PCDHGA4: variants seen among roughly 807,000 people sequenced by gnomAD.
PCDHGA4 encodes protocadherin gamma-A4.
In PCDHGA4, 38 loss-of-function variants were observed where a neutral mutation model predicts 54.6. The observed-to-expected ratio is 0.70, with a 90% CI of 0.54 to 0.91. The LOEUF (loss-of-function observed/expected upper bound fraction) is 0.91. Ranked by LOEUF, PCDHGA4 falls within the 40% of genes least tolerant of loss-of-function variation. The pLI, the probability that PCDHGA4 is intolerant of heterozygous loss-of-function variation, is 0.00. For missense variants in PCDHGA4, 1,298 were observed against 1,220.9 expected (o/e 1.06, Z -0.94); for synonymous variants, 511 against 512.9 (o/e 1.00, Z 0.05).
At position 141,511,112 on chromosome 5, in the gene PCDHGA4, G is replaced by A. The variant is rs767257788; in HGVS notation, c.2828G>A (p.Gly943Asp). The change falls in exon 4 of 4, where the codon GGC (glycine) becomes GAC (aspartate). Residue 943 changes from glycine (G) to aspartate (D), a missense_variant. Transcript: ENST00000571252. ...ACCAACGCAGCTGGCAAGCGGGATGGCAAGGCCCCAGCAGGTGGCAATGGC... is the reference window on the plus strand; with the variant it reads ...ACCAACGCAGCTGGCAAGCGGGATGACAAGGCCCCAGCAGGTGGCAATGGC... The part of the protein sequence containing the change: ...TLTNAAGKRD[G>D]KAPAGGNGNK... 1 of 1,614,232 alleles carries A rather than the reference G, an allele frequency of 6.2e-7. No individual in the cohort carries two copies.
Position 141,444,232 on chromosome 5 carries a change from C to T in PCDHGA4, c.2515-50575C>T, listed in dbSNP as rs1411172798. Among the ~76,000 whole-genome samples the T allele has an allele frequency of 2.5e-5, 3 of 122,350 alleles. No individual in the cohort carries two copies. In the Admixed American group the frequency reaches 3.3e-4, roughly 14 times the overall value. The allele number at this position is 122,350 out of a possible 152,430, so 80.3% of individuals were successfully genotyped here. ...TGTTGCCCAGGCTGGAGTGCAATGG[C>T]ATGCTCTCGGCTCACTGCAACCTCC... is the stretch of plus-strand genomic sequence containing the variant. On this transcript the variant is annotated intron_variant, in intron 1 of 3. Coordinates refer to ENST00000571252, the MANE Select transcript of PCDHGA4 (RefSeq NM_018917.4).
intron 3 of PCDHGA4, among the ~76,000 whole-genome samples, chr5:141,509,265 C>G (rs1296179995): frequency 1.3e-5 from 2 of 152,138 alleles, no homozygotes; most frequent in African/African-American, 4.8e-5. Flanking sequence ...TTTAGTCACT[C>G]TCGCTACCCG....
chr5:141,375,920 G>A, intron 1 of PCDHGA4: 1 of 1,613,748 alleles, frequency 6.2e-7, no homozygotes, highest in Admixed American at 1.7e-5. Flanking sequence ...CAAGGCCAGC[G>A]AGCCAGGACT....
At position 141,491,111 on chromosome 5, in the gene PCDHGA4, A is replaced by G; in HGVS notation, c.2515-3696A>G. 1 of 1,614,162 alleles carries G rather than the reference A, an allele frequency of 6.2e-7. No individual in the cohort carries two copies. Among genetic ancestry groups the G allele is most frequent in the Non-Finnish European group, 8.5e-7 (1 of 1,180,026 alleles). Reference sequence around the variant, plus strand: ...CCAGGACTGTTCCTCGTGTCTACACACACTGGTGAGGTGCGCACAGCCCGG... The same window carrying G: ...CCAGGACTGTTCCTCGTGTCTACACGCACTGGTGAGGTGCGCACAGCCCGG... On this transcript the variant is annotated intron_variant, in intron 1 of 3. Transcript: ENST00000571252. This position sits in a 1 kb window ranked among gnomAD's most constrained non-coding sequence, Gnocchi z 6.9.
Position 141,491,458 on chromosome 5 carries a change from G to C in PCDHGA4, c.2515-3349G>C. 1 of 1,614,092 alleles carries C rather than the reference G, an allele frequency of 6.2e-7. No individual in the cohort carries two copies. The highest frequency in any genetic ancestry group is 8.5e-7 in the Non-Finnish European group (1 of 1,180,022). On this transcript the variant is annotated intron_variant, in intron 1 of 3. Coordinates refer to ENST00000571252, the MANE Select transcript of PCDHGA4 (RefSeq NM_018917.4). The surrounding 1 kb of genome is among the most constrained non-coding windows in gnomAD (Gnocchi z 6.9). Reference sequence around the variant, plus strand: ...CAGGCGCCAGGACTCACCCTCCCCGGACTTCTATAAGCAGTCCAGCCCCAA... The same window carrying C: ...CAGGCGCCAGGACTCACCCTCCCCGCACTTCTATAAGCAGTCCAGCCCCAA...
In PCDHGA4 at chr5:141,477,590, C is replaced by T. The variant is rs1465863595; in HGVS notation, c.2515-17217C>T. On this transcript the variant is annotated intron_variant, in intron 1 of 3. Coordinates refer to ENST00000571252, the MANE Select transcript of PCDHGA4 (RefSeq NM_018917.4). This position sits in a 1 kb window ranked among gnomAD's most constrained non-coding sequence, Gnocchi z 4.9. ...CCCCGACGCCCCGCAGAATGCTCGG[C>T]TTTCTTTCTTTCTCTTGGAGCAAGG... The T allele has an allele frequency of 1.2e-6, 2 of 1,614,122 alleles. No individual in the cohort carries two copies. Among genetic ancestry groups the T allele is most frequent in the South Asian group, 2.2e-5 (2 of 91,080 alleles).
Position 141,490,685 on chromosome 5 carries a change from A to G in PCDHGA4, c.2515-4122A>G, listed in dbSNP as rs2099703028. On this transcript the variant is annotated intron_variant, in intron 1 of 3. Coordinates refer to ENST00000571252, the MANE Select transcript of PCDHGA4 (RefSeq NM_018917.4). The surrounding 1 kb of genome is among the most constrained non-coding windows in gnomAD (Gnocchi z 5.4). ...TGCACTGTGGCTGCCTCAGATCCAGACACTGGGGATAATGCCCGCCTCACC... is the reference window on the plus strand; with the variant it reads ...TGCACTGTGGCTGCCTCAGATCCAGGCACTGGGGATAATGCCCGCCTCACC... The G allele has an allele frequency of 1.9e-6, 3 of 1,614,030 alleles. No individual in the cohort carries two copies. Among genetic ancestry groups the G allele is most frequent in the South Asian group, 2.2e-5 (2 of 91,082 alleles).
intron 1 of PCDHGA4, among the ~76,000 whole-genome samples, chr5:141,483,993 G>T (rs1307708919): frequency 6.8e-6 from 1 of 147,882 alleles, no homozygotes; most frequent in Non-Finnish European, 1.5e-5. Flanking sequence ...AGGTTGCTGG[G>T]AGGTCTGGAT....
chr5:141,499,073 G>T (rs2099789305), intron 2 of PCDHGA4, among the ~76,000 whole-genome samples: 1 of 152,064 alleles, frequency 6.6e-6, no homozygotes, highest in Admixed American at 6.5e-5. Flanking sequence ...CTTACATTCT[G>T]AAGTTCCTGC....
intron 1 of PCDHGA4, among the ~76,000 whole-genome samples, chr5:141,406,473 T>A (rs2094813817): frequency 6.6e-6 from 1 of 152,248 alleles, no homozygotes; most frequent in African/African-American, 2.4e-5. Context: ...CTCTTTGAGG[T>A]TATATTTTTC....
chr5:141,423,612 TGAAGAC>T, intron 1 of PCDHGA4: 1 of 1,611,004 alleles, frequency 6.2e-7, no homozygotes, highest in African/African-American at 1.3e-5. Flanking sequence ...TCTTGATAGC[TGAAGAC>T]TCAGCTATCA....
chr5:141,419,540 C>A (rs999461892), intron 1 of PCDHGA4: 4 of 1,612,018 alleles, frequency 2.5e-6, no homozygotes. Flanking sequence ...CAACGCACCG[C>A]GGGTGCTGTA....
intron 1 of PCDHGA4, chr5:141,403,178 T>C (rs1294905670): frequency 6.2e-7 from 1 of 1,613,980 alleles, no homozygotes; most frequent in Middle Eastern, 1.7e-4. Flanking sequence ...GCAGCTTTTC[T>C]CTCTGAACCC....
At position 141,450,006 on chromosome 5, in the gene PCDHGA4, C is replaced by CTATTTTTTTTTTT. The variant is rs70988802; in HGVS notation, c.2515-44800_2515-44799insATTTTTTTTTTTT. Among the ~76,000 whole-genome samples, 4 of 132,982 alleles carry CTATTTTTTTTTTT rather than the reference C, an allele frequency of 3.0e-5. 1 individual carries two copies. The highest frequency in any genetic ancestry group is 5.6e-5 in the African/African-American group (2 of 35,576). 87.2% of individuals were successfully genotyped at this position (132,982 alleles called of 152,430 possible). A position where few individuals can be genotyped will look rare whatever the true frequency, so the allele number is the denominator to read the frequency against. Reference sequence around the variant, plus strand: ...CACATTGCATTTAGTTGCCATGTCTCTTTTTTTTTTTTTTTTTTGAGACAG... The same window carrying CTATTTTTTTTTTT: ...CACATTGCATTTAGTTGCCATGTCTCTATTTTTTTTTTTTTTTTTTTTTTTTTTTTTGAGACAG... On this transcript the variant is annotated intron_variant, in intron 1 of 3. Transcript: ENST00000571252.
intron 1 of PCDHGA4, among the ~76,000 whole-genome samples, chr5:141,430,411 C>T (rs879587751): frequency 3.3e-5 from 5 of 150,942 alleles, no homozygotes; most frequent in African/African-American, 1.2e-4. Flanking sequence ...ACTAAAGTTT[C>T]TATTAAAGCG....
chr5:141,433,406 T>TC (rs397794347), intron 1 of PCDHGA4, among the ~76,000 whole-genome samples: 446 of 150,100 alleles, frequency 3.0e-3, no homozygotes, highest in African/African-American at 0.01. Context: ...TATCTATCTA[T>TC]TACTTTCTTG....
Position 141,372,058 on chromosome 5 carries a change from G to T in PCDHGA4, c.2514+14437G>T, listed in dbSNP as rs769464516. ...AGCCTGCGCGTGTTGGTGGACGACC[G>T]CAACGACAATGCACCGCTGGTGCTG... On this transcript the variant is annotated intron_variant, in intron 1 of 3. Transcript: ENST00000571252. The T allele has an allele frequency of 8.1e-6, 13 of 1,613,556 alleles. No individual in the cohort carries two copies. In the East Asian group the frequency reaches 2.9e-4, roughly 36 times the overall value.
intron 1 of PCDHGA4, chr5:141,416,389 T>A (rs2096020280): frequency 6.6e-6 from 1 of 152,236 alleles, no homozygotes; most frequent in Non-Finnish European, 1.5e-5. Context: ...TATTTGGGAT[T>A]CTGCTTTTGT....
chr5:141,486,263 G>GAACCTGGC lies in PCDHGA4; in HGVS notation c.2515-8542_2515-8535dup. 6.2e-7 allele frequency: 1 copy of GAACCTGGC among 1,614,090 alleles called. No homozygotes were observed. Among genetic ancestry groups the GAACCTGGC allele is most frequent in the South Asian group, 1.1e-5 (1 of 91,064 alleles). On this transcript the variant is annotated intron_variant, in intron 1 of 3. Coordinates refer to ENST00000571252, the MANE Select transcript of PCDHGA4 (RefSeq NM_018917.4). This position sits in a 1 kb window ranked among gnomAD's most constrained non-coding sequence, Gnocchi z 5.0. ...GCTTGGAACCCTCCCCGAGAGTGCAGAACCTGGCACTGTGGTGGCACTTAT... is the reference window on the plus strand; with the variant it reads ...GCTTGGAACCCTCCCCGAGAGTGCAGAACCTGGCAACCTGGCACTGTGGTGGCACTTAT...
Sources: allele counts gnomAD v4.1 joint callset (sites outside exome capture counted in the v4.1 genomes callset), GRCh38; gene constraint gnomAD v4.1.1; non-coding constraint Gnocchi (gnomAD v3.1); transcripts MANE v1.5; gene names NCBI Gene and HGNC (gene_info 2026-07-23, HGNC 2026-07-21).